Variants in KCNC2 observed in about 807,000 individuals in gnomAD.
KCNC2 encodes the protein potassium voltage-gated channel subfamily C member 2, also known as voltage-gated potassium channel KCNC2.
Under a neutral mutation model 44.5 loss-of-function variants are expected in KCNC2, and 21 were observed. That is an observed-to-expected ratio of 0.47 (90% CI 0.33 to 0.68). The LOEUF (loss-of-function observed/expected upper bound fraction) is 0.68, where lower values mean the gene tolerates loss of function less well. Among genes scored for constraint, KCNC2 ranks in the 30% least tolerant of loss-of-function variants. The pLI, the probability that KCNC2 is intolerant of heterozygous loss-of-function variation, is 0.01. For missense variants in KCNC2, 589 were observed against 826.2 expected, an observed-to-expected ratio of 0.71 and a Z score of 3.52; for synonymous variants, 391 against 339.1, an observed-to-expected ratio of 1.15 and a Z score of -1.68.
At chr12:75,140,578 C>T (rs1215023671) in intron 2 of KCNC2, among the ~76,000 whole-genome samples, 1 of 151,812 alleles carries the variant, frequency 6.6e-6, no homozygotes, top group Non-Finnish European at 1.5e-5. Context: ...AATTTTATCA[C>T]GTTAAAAAAT....
intron 2 of KCNC2, among the ~76,000 whole-genome samples, chr12:75,147,637 T>A (rs998323067): frequency 4.6e-5 from 7 of 152,186 alleles, no homozygotes; most frequent in African/African-American, 1.7e-4. Flanking sequence ...AGGGAAAAAG[T>A]GTCATTCCTG....
At chr12:75,157,006 C>G (rs1890806901) in intron 2 of KCNC2, among the ~76,000 whole-genome samples, 1 of 151,840 alleles carries the variant, frequency 6.6e-6, no homozygotes, top group Non-Finnish European at 1.5e-5. Flanking sequence ...CCACCATAAT[C>G]TGGGAACAAT....
intron 2 of KCNC2, among the ~76,000 whole-genome samples, chr12:75,122,606 C>T (rs1272406634): frequency 2.0e-5 from 3 of 152,078 alleles, no homozygotes; most frequent in African/African-American, 7.2e-5. Flanking sequence ...CATGTCAAAG[C>T]ATATGAAAAT....
chr12:75,130,780 A>AT (rs946071895), intron 2 of KCNC2, among the ~76,000 whole-genome samples: 5 of 138,846 alleles, frequency 3.6e-5, no homozygotes, highest in Admixed American at 1.4e-4. Flanking sequence ...ACTCCTAGTA[A>AT]TAAAAAAAAA....
intron 2 of KCNC2, among the ~76,000 whole-genome samples, chr12:75,158,091 G>A (rs1890880559): frequency 6.6e-6 from 1 of 151,888 alleles, no homozygotes; most frequent in African/African-American, 2.4e-5. Flanking sequence ...ATAGAAGTCA[G>A]TAGGAGGCTT....
chr12:75,075,969 T>C (rs1356928742), intron 2 of KCNC2, among the ~76,000 whole-genome samples: 10 of 152,026 alleles, frequency 6.6e-5, no homozygotes, highest in Non-Finnish European at 5.9e-5. Flanking sequence ...GATCAAACTA[T>C]TGGTCCAAAG....
intron 2 of KCNC2, among the ~76,000 whole-genome samples, chr12:75,206,124 A>G (rs2031667693): frequency 6.6e-6 from 1 of 152,230 alleles, no homozygotes; most frequent in African/African-American, 2.4e-5. Context: ...AGATAGCTGC[A>G]TAACGTCTCA....
chr12:75,177,012 G>A (rs1892230669), intron 2 of KCNC2, among the ~76,000 whole-genome samples: 1 of 145,520 alleles, frequency 6.9e-6, no homozygotes, highest in African/African-American at 2.6e-5. Flanking sequence ...AAACTGGTAA[G>A]TGAAGTGATG....
chr12:75,098,936 C>A (rs1049794567), intron 2 of KCNC2, among the ~76,000 whole-genome samples: 1 of 152,034 alleles, frequency 6.6e-6, no homozygotes, highest in Admixed American at 6.6e-5. Flanking sequence ...CCTCAGAGAA[C>A]TTGGAAGGTT....
At chr12:75,053,675 T>A (rs1881429148) in intron 2 of KCNC2, among the ~76,000 whole-genome samples, 1 of 150,652 alleles carries the variant, frequency 6.6e-6, no homozygotes. Context: ...AATTTGCCAG[T>A]TTAATACCAA....
At chr12:75,175,569 C>G (rs1374522818) in intron 2 of KCNC2, among the ~76,000 whole-genome samples, 1 of 151,992 alleles carries the variant, frequency 6.6e-6, no homozygotes, top group East Asian at 1.9e-4. Context: ...ATGTTTGCCA[C>G]TTTCAGGCTA....
intron 2 of KCNC2, among the ~76,000 whole-genome samples, chr12:75,204,983 G>C (rs1357311067): frequency 2.0e-5 from 3 of 152,028 alleles, no homozygotes; most frequent in African/African-American, 4.8e-5. Flanking sequence ...TCTACTGTTG[G>C]GTGGTAAAGG....
intron 2 of KCNC2, among the ~76,000 whole-genome samples, chr12:75,188,452 A>G (rs972224217): frequency 6.6e-6 from 1 of 152,242 alleles, no homozygotes; most frequent in African/African-American, 2.4e-5. Context: ...AATTTTTAGC[A>G]TAAATGTGAA....
intron 2 of KCNC2, among the ~76,000 whole-genome samples, chr12:75,119,395 G>A (rs887387667): frequency 2.6e-5 from 4 of 152,116 alleles, no homozygotes; most frequent in African/African-American, 9.7e-5. Flanking sequence ...CGTGAAAAGG[G>A]TTAGTTAAGT....
intron 2 of KCNC2, among the ~76,000 whole-genome samples, chr12:75,128,429 A>G (rs1425380900): frequency 2.0e-5 from 3 of 152,212 alleles, no homozygotes; most frequent in South Asian, 4.1e-4. Context: ...ATAAAAAACA[A>G]TACTTGGAGA....
intron 2 of KCNC2, among the ~76,000 whole-genome samples, chr12:75,074,442 T>A (rs1345600727): frequency 6.6e-6 from 1 of 152,038 alleles, no homozygotes; most frequent in East Asian, 1.9e-4. Context: ...CTGTGTAAAA[T>A]TTCTGCTACC....
rs527323748 is a variant in KCNC2 at position 75,040,980 on chromosome 12, T to A, written c.*2125A>T. 52 of 728,304 alleles carry A rather than the reference T, an allele frequency of 7.1e-5. No individual in the cohort carries two copies. The African/African-American group carries it at 8.0e-4, about 11-fold the overall frequency. The allele number at this position is 728,304 out of a possible 1,614,324, so 45.1% of individuals were successfully genotyped here. Reference sequence around the variant, plus strand: ...CAGTTGTTTCATGGACACTGGCCAGTCTACAAGCAGAGCACTCTCATGGGG... The same window carrying A: ...CAGTTGTTTCATGGACACTGGCCAGACTACAAGCAGAGCACTCTCATGGGG... On this transcript the variant is annotated 3_prime_UTR_variant, in exon 5 of 5. Coordinates refer to ENST00000549446, the MANE Select transcript of KCNC2 (RefSeq NM_139137.4).
chr12:75,185,032 A>T (rs1161966323), intron 2 of KCNC2, among the ~76,000 whole-genome samples: 1 of 152,228 alleles, frequency 6.6e-6, no homozygotes, highest in Non-Finnish European at 1.5e-5. Context: ...GCCGGAAGAA[A>T]ACGCAGAATG....
At chr12:75,096,839 T>C (rs1885969762) in intron 2 of KCNC2, among the ~76,000 whole-genome samples, 1 of 152,086 alleles carries the variant, frequency 6.6e-6, no homozygotes, top group Non-Finnish European at 1.5e-5. Flanking sequence ...AATATTCTTA[T>C]TGCTTTTAAG....
Sources: gnomAD v4.1 joint callset for allele counts (sites outside exome capture counted in the v4.1 genomes callset) on GRCh38, gnomAD v4.1.1 for gene constraint, MANE v1.5 for transcripts, NCBI Gene and HGNC (gene_info 2026-07-23, HGNC 2026-07-21) for gene names.